PITPNC1: variants seen among roughly 807,000 people sequenced by gnomAD.
PITPNC1 encodes phosphatidylinositol transfer protein cytoplasmic 1.
Under a neutral mutation model 44.7 loss-of-function variants are expected in PITPNC1, and 18 were observed. That is an observed-to-expected ratio of 0.40 (90% confidence interval 0.28 to 0.60). The LOEUF (loss-of-function observed/expected upper bound fraction) is 0.60, where lower values mean the gene tolerates loss of function less well. PITPNC1 is among the 20% of genes least tolerant of loss of function. PITPNC1 has a pLI of 0.39. For missense variants in PITPNC1, 290 were observed against 418.4 expected (o/e 0.69, Z 2.68); for synonymous variants, 141 against 149.6 (o/e 0.94, Z 0.42).
chr17:67,381,362 G>A (rs1183387304), intron 1 of PITPNC1, among the ~76,000 whole-genome samples: 1 of 150,348 alleles, frequency 6.7e-6, no homozygotes, highest in Non-Finnish European at 1.5e-5. Flanking sequence ...GGGATTACAG[G>A]CATGAGCCAC....
intron 1 of PITPNC1, among the ~76,000 whole-genome samples, chr17:67,481,777 T>TAA (rs3052405): frequency 0.32 from 46,173 of 146,260 alleles, 7,489 homozygotes; most frequent in Non-Finnish European, 0.38. Context: ...TTTGAAGATT[T>TAA]AAAAAAAAAA....
chr17:67,584,915 G>T (rs1384206923), intron 5 of PITPNC1, among the ~76,000 whole-genome samples: 4 of 152,028 alleles, frequency 2.6e-5, no homozygotes, highest in Non-Finnish European at 4.4e-5. Flanking sequence ...GGGAGTTCGA[G>T]ATCAGCCTGA....
At chr17:67,683,193 G>C (rs996036283) in intron 8 of PITPNC1, among the ~76,000 whole-genome samples, 1 of 139,358 alleles carries the variant, frequency 7.2e-6, no homozygotes, top group African/African-American at 2.7e-5. Context: ...AAAAAGAGTT[G>C]ATACACATAA....
At chr17:67,608,836 A>G (rs935865320) in intron 5 of PITPNC1, among the ~76,000 whole-genome samples, 1 of 151,364 alleles carries the variant, frequency 6.6e-6, no homozygotes, top group Admixed American at 6.6e-5. Flanking sequence ...TGACACTGAC[A>G]TTTTGCAGAA....
At chr17:67,664,806 G>A (rs1234472615) in intron 6 of PITPNC1, among the ~76,000 whole-genome samples, 6 of 151,774 alleles carry the variant, frequency 4.0e-5, no homozygotes, top group Admixed American at 2.6e-4. Flanking sequence ...TCGGGAGTCT[G>A]AGGCAAAAGA....
intron 4 of PITPNC1, among the ~76,000 whole-genome samples, chr17:67,556,722 A>G (rs1480978927): frequency 6.6e-6 from 1 of 152,172 alleles, no homozygotes; most frequent in African/African-American, 2.4e-5. Flanking sequence ...CAGGTCTGAG[A>G]CTAACAGTCA....
intron 6 of PITPNC1, among the ~76,000 whole-genome samples, chr17:67,633,552 G>A (rs567148640): frequency 7.9e-5 from 12 of 152,308 alleles, no homozygotes; most frequent in East Asian, 5.8e-4. Flanking sequence ...AAGGGTGAGC[G>A]TTTTAACATC....
At chr17:67,381,907 T>C (rs2037965954) in intron 1 of PITPNC1, among the ~76,000 whole-genome samples, 1 of 152,148 alleles carries the variant, frequency 6.6e-6, no homozygotes, top group African/African-American at 2.4e-5. Context: ...TTTAACACTC[T>C]GGTGGTGGCG....
intron 6 of PITPNC1, among the ~76,000 whole-genome samples, chr17:67,655,166 C>T (rs978682433): frequency 6.6e-6 from 1 of 152,164 alleles, no homozygotes; most frequent in African/African-American, 2.4e-5. Flanking sequence ...GATTCAGTGC[C>T]TGGAGATGGC....
chr17:67,541,593 T>A (rs1377725587), intron 2 of PITPNC1, among the ~76,000 whole-genome samples: 4 of 152,170 alleles, frequency 2.6e-5, no homozygotes, highest in Non-Finnish European at 5.9e-5. Context: ...TACTTGATAA[T>A]CTTGCCCAAT....
chr17:67,628,303 C>G (rs530959310), intron 5 of PITPNC1, among the ~76,000 whole-genome samples: 1 of 152,248 alleles, frequency 6.6e-6, no homozygotes, highest in South Asian at 2.1e-4. Context: ...ATGGTAACCT[C>G]TCAAGGGCTA....
chr17:67,421,433 T>C (rs543975256), intron 1 of PITPNC1, among the ~76,000 whole-genome samples: 1 of 152,084 alleles, frequency 6.6e-6, no homozygotes, highest in East Asian at 1.9e-4. Flanking sequence ...CAGGCACTCA[T>C]CACCACGCCT....
chr17:67,390,486 G>A (rs192637046), intron 1 of PITPNC1, among the ~76,000 whole-genome samples: 48 of 152,310 alleles, frequency 3.2e-4, no homozygotes, highest in African/African-American at 1.1e-3. Flanking sequence ...AGCATTGAAT[G>A]GGAAATCACG....
At chr17:67,670,253 A>G (rs2042491176) in intron 7 of PITPNC1, among the ~76,000 whole-genome samples, 1 of 152,130 alleles carries the variant, frequency 6.6e-6, no homozygotes, top group Non-Finnish European at 1.5e-5. Context: ...TCAGTTTGGT[A>G]TTGGACTCAT....
chr17:67,473,309 T>C (rs796311269), intron 1 of PITPNC1, among the ~76,000 whole-genome samples: 1 of 151,868 alleles, frequency 6.6e-6, no homozygotes, highest in African/African-American at 2.4e-5. Flanking sequence ...GCTGGGATTA[T>C]AGGCGTGAGC....
At chr17:67,568,679 A>G (rs1268140331) in intron 4 of PITPNC1, among the ~76,000 whole-genome samples, 1 of 151,640 alleles carries the variant, frequency 6.6e-6, no homozygotes, top group East Asian at 1.9e-4. Flanking sequence ...TTTGGGGGGA[A>G]AAGGGGGAAA....
intron 2 of PITPNC1, among the ~76,000 whole-genome samples, chr17:67,548,790 G>A (rs139608657): frequency 7.2e-5 from 11 of 152,204 alleles, no homozygotes; most frequent in Admixed American, 1.3e-4. Flanking sequence ...AAGGAGACTC[G>A]ATTCAAACTT....
At chr17:67,666,352 G>A (rs1165328022) in intron 6 of PITPNC1, among the ~76,000 whole-genome samples, 1 of 152,136 alleles carries the variant, frequency 6.6e-6, no homozygotes. Context: ...AGGACTTGGT[G>A]GGGGAGAAGG....
rs1297163632 is a variant in PITPNC1, at chr17:67,693,672, A to G, written c.*784A>G. 6.6e-6 allele frequency: 1 copy of G among 152,218 alleles called. No individual in the cohort carries two copies. Among genetic ancestry groups the G allele is most frequent in the Non-Finnish European group, 1.5e-5 (1 of 68,048 alleles). 9.4% of individuals were successfully genotyped at this position (152,218 alleles called of 1,614,324 possible). A position where few individuals can be genotyped will look rare whatever the true frequency, so the allele number is the denominator to read the frequency against. ...GGCAACATCTTTTTTCTCTACAGGT[A>G]CCAACAAACCTTGACTTGTCAGCTT... On this transcript the variant is annotated 3_prime_UTR_variant, in exon 9 of 9. Coordinates refer to ENST00000581322, the MANE Select transcript of PITPNC1 (RefSeq NM_012417.4).
Sources: gnomAD v4.1 joint callset for allele counts (sites outside exome capture counted in the v4.1 genomes callset) on GRCh38, gnomAD v4.1.1 for gene constraint, MANE v1.5 for transcripts, NCBI Gene and HGNC (gene_info 2026-07-23, HGNC 2026-07-21) for gene names.